Variants in TMEM178B observed in about 807,000 individuals in gnomAD.
TMEM178B encodes transmembrane protein 178B.
TMEM178B carries 5 observed loss-of-function variants against 31.0 expected under a neutral mutation model. The ratio of observed to expected loss-of-function variants is 0.16; its 90% confidence interval spans 0.08 to 0.34. TMEM178B has a LOEUF of 0.34. Ranked by LOEUF, TMEM178B falls within the 10% of genes least tolerant of loss-of-function variation. TMEM178B has a pLI of 1.00. For synonymous variants in TMEM178B, 164 were observed against 164.0 expected, an observed-to-expected ratio of 1.00 and a Z score of 0.00; for missense variants, 275 against 400.3, an observed-to-expected ratio of 0.69 and a Z score of 2.67.
At chr7:141,370,816 G>A (rs1031062112) in intron 2 of TMEM178B, among the ~76,000 whole-genome samples, 2 of 152,222 alleles carry the variant, frequency 1.3e-5, no homozygotes, top group African/African-American at 4.8e-5. Flanking sequence ...ATGCACATTG[G>A]TCTCCACCTA....
At chr7:141,343,839 G>T (rs190948203) in intron 2 of TMEM178B, among the ~76,000 whole-genome samples, 2 of 152,142 alleles carry the variant, frequency 1.3e-5, no homozygotes, top group East Asian at 3.9e-4. Context: ...GTGAGCCACC[G>T]CGCCCAGCCG....
chr7:141,387,175 T>C (rs1047490446), intron 2 of TMEM178B, among the ~76,000 whole-genome samples: 3 of 152,144 alleles, frequency 2.0e-5, no homozygotes, highest in Non-Finnish European at 4.4e-5. Flanking sequence ...ATATGACTAG[T>C]TTTGACAGAA....
At chr7:141,229,095 TGTGTG>T (rs1483318931) in intron 2 of TMEM178B, among the ~76,000 whole-genome samples, 21 of 114,674 alleles carry the variant, frequency 1.8e-4, no homozygotes, top group Non-Finnish European at 3.2e-4. Context: ...ATGATGTGTG[TGTGTG>T]GTGTGTGTGT....
At chr7:141,232,135 T>C (rs973779537) in intron 2 of TMEM178B, among the ~76,000 whole-genome samples, 2 of 152,206 alleles carry the variant, frequency 1.3e-5, no homozygotes, top group African/African-American at 4.8e-5. Flanking sequence ...GCAAAGGACA[T>C]GCTCTCTTTC....
chr7:141,404,307 A>C (rs1335685399), intron 2 of TMEM178B, among the ~76,000 whole-genome samples: 1 of 152,204 alleles, frequency 6.6e-6, no homozygotes, highest in Admixed American at 6.5e-5. Flanking sequence ...TCCATCTCAA[A>C]AACAAAAACA....
chr7:141,470,447 A>C lies in TMEM178B; in HGVS notation c.635-89A>C, dbSNP rs1802217945. On this transcript the variant is annotated intron_variant, in intron 3 of 3. Coordinates refer to ENST00000565468, the MANE Select transcript of TMEM178B (RefSeq NM_001195278.2). ...CCTACTCAAGAAAATTGAAAATGTAATAATATTAACTTTTCTCTTTCTCTC... is the reference window on the plus strand; with the variant it reads ...CCTACTCAAGAAAATTGAAAATGTACTAATATTAACTTTTCTCTTTCTCTC... The C allele has an allele frequency of 7.6e-6, 10 of 1,308,104 alleles. No individual in the cohort carries two copies. The South Asian group carries it at 1.5e-4, about 20-fold the overall frequency. 81.0% of individuals were successfully genotyped at this position (1,308,104 alleles called of 1,614,324 possible).
chr7:141,441,797 T>G lies in TMEM178B; in HGVS notation c.634+4052T>G, dbSNP rs1301581240. 2.6e-5 allele frequency among the ~76,000 whole-genome samples: 4 copies of G among 152,240 alleles called. No individual in the cohort carries two copies. The South Asian group carries it at 8.3e-4, about 31-fold the overall frequency. ...AAGGAAGATGGCCTGCGCTGGGCACTTTTCTGTTCCAGGTTTAACTATTTC... is the reference window on the plus strand; with the variant it reads ...AAGGAAGATGGCCTGCGCTGGGCACGTTTCTGTTCCAGGTTTAACTATTTC... On this transcript the variant is annotated intron_variant, in intron 3 of 3. Coordinates refer to ENST00000565468, the MANE Select transcript of TMEM178B (RefSeq NM_001195278.2).
chr7:141,238,432 G>C (rs1382261822), intron 2 of TMEM178B, among the ~76,000 whole-genome samples: 1 of 152,202 alleles, frequency 6.6e-6, no homozygotes, highest in Non-Finnish European at 1.5e-5. Flanking sequence ...GCGTGCGATA[G>C]AGAGCCGTGC....
chr7:141,361,432 A>AT (rs1210350018), intron 2 of TMEM178B, among the ~76,000 whole-genome samples: 6 of 152,232 alleles, frequency 3.9e-5, no homozygotes, highest in African/African-American at 1.4e-4. Context: ...GGAGAGGAGA[A>AT]TGAGAGGTCC....
chr7:141,186,385 T>G (rs1476536432), intron 1 of TMEM178B, among the ~76,000 whole-genome samples: 1 of 152,126 alleles, frequency 6.6e-6, no homozygotes, highest in African/African-American at 2.4e-5. Flanking sequence ...ATGGCATGCC[T>G]GGCAGGGGTG....
intron 1 of TMEM178B, among the ~76,000 whole-genome samples, chr7:141,151,848 G>C (rs1795978429): frequency 1.3e-5 from 2 of 152,138 alleles, no homozygotes; most frequent in African/African-American, 4.8e-5. Flanking sequence ...CAGGGGGGGT[G>C]CCCCTCACCT....
chr7:141,155,382 G>A (rs991898312), intron 1 of TMEM178B, among the ~76,000 whole-genome samples: 3 of 152,130 alleles, frequency 2.0e-5, no homozygotes, highest in Non-Finnish European at 2.9e-5. Context: ...TGTGGGGATG[G>A]CTCTTCTTAA....
At chr7:141,456,166 G>T (rs530677771) in intron 3 of TMEM178B, among the ~76,000 whole-genome samples, 3 of 152,304 alleles carry the variant, frequency 2.0e-5, no homozygotes, top group East Asian at 1.9e-4. Context: ...GATAGTTCAT[G>T]TTTGACAAAA....
chr7:141,236,156 A>G (rs530887719), intron 2 of TMEM178B, among the ~76,000 whole-genome samples: 2 of 152,188 alleles, frequency 1.3e-5, no homozygotes, highest in Non-Finnish European at 2.9e-5. Flanking sequence ...GTCCCTGTGA[A>G]TATCTGGAGG....
chr7:141,280,817 C>T (rs527721079), intron 2 of TMEM178B, among the ~76,000 whole-genome samples: 9 of 152,076 alleles, frequency 5.9e-5, no homozygotes, highest in South Asian at 2.1e-4. Flanking sequence ...CCCTGGGTCT[C>T]GGGGGAATGA....
At chr7:141,120,670 A>G (rs1795393511) in intron 1 of TMEM178B, among the ~76,000 whole-genome samples, 1 of 152,118 alleles carries the variant, frequency 6.6e-6, no homozygotes, top group Non-Finnish European at 1.5e-5. Context: ...AAAATAATAT[A>G]CTTTGCTGGA....
At chr7:141,206,381 AAG>A (rs1428156589) in intron 1 of TMEM178B, among the ~76,000 whole-genome samples, 1 of 152,116 alleles carries the variant, frequency 6.6e-6, no homozygotes, top group Non-Finnish European at 1.5e-5. Context: ...GCCCTGGAGA[AAG>A]AGAGGAATGA....
Position 141,437,679 on chromosome 7 carries a change from G to T in TMEM178B, c.568G>T (p.Val190Leu), listed in dbSNP as rs572778443. 10 of 1,536,198 alleles carry T rather than the reference G, an allele frequency of 6.5e-6. No individual in the cohort carries two copies. Among genetic ancestry groups the T allele is most frequent in the South Asian group, 3.6e-5 (3 of 84,064 alleles). ...CATCCTCTTTGGCTGGATCATCGGC[G>T]TGCTGGGCTGCTGCTGGGACCGAGG... ...AIILFGWIIG[V>L]LGCCWDRGLM... Residue 190 changes from valine (V) to leucine (L), a missense_variant, in exon 3 of 4, where the codon GTG (valine) becomes TTG (leucine). Coordinates refer to ENST00000565468, the MANE Select transcript of TMEM178B (RefSeq NM_001195278.2).
At chr7:141,214,296 A>G (rs943100710) in intron 2 of TMEM178B, among the ~76,000 whole-genome samples, 3 of 152,222 alleles carry the variant, frequency 2.0e-5, no homozygotes, top group African/African-American at 7.2e-5. Flanking sequence ...AATTATTGAC[A>G]TAGCAGCTTG....
Sources: allele counts gnomAD v4.1 joint callset (sites outside exome capture counted in the v4.1 genomes callset), GRCh38; gene constraint gnomAD v4.1.1; transcripts MANE v1.5; gene names NCBI Gene and HGNC (gene_info 2026-07-23, HGNC 2026-07-21).